RIMKLA: variants seen among roughly 807,000 people sequenced by gnomAD.
RIMKLA encodes ribosomal modification protein rimK like family member A.
In RIMKLA, 14 loss-of-function variants were observed where a neutral mutation model predicts 32.7. The observed-to-expected ratio is 0.43, with a 90% CI of 0.28 to 0.67. The LOEUF (loss-of-function observed/expected upper bound fraction) is 0.67. Among genes scored for constraint, RIMKLA ranks in the 30% least tolerant of loss-of-function variants. RIMKLA has a pLI of 0.18. For synonymous variants in RIMKLA, 176 were observed against 204.1 expected (o/e 0.86, Z 1.18); for missense variants, 410 against 519.0 (o/e 0.79, Z 2.04).
At position 42,414,961 on chromosome 1, in the gene RIMKLA, T is replaced by G; in HGVS notation, c.1163T>G (p.Leu388Ter). The G allele has an allele frequency of 5.6e-6, 9 of 1,606,266 alleles. No homozygotes were observed. Among genetic ancestry groups the G allele is most frequent in the Non-Finnish European group, 7.7e-6 (9 of 1,175,942 alleles). ...YNINNRIASELKLK is the reference protein window; with the variant it reads ...YNINNRIASE Reference sequence around the variant, plus strand: ...ATTAACAACAGGATTGCTTCTGAGTTAAAACTTAAGTGAATTCCTGCTTTT... The same window carrying G: ...ATTAACAACAGGATTGCTTCTGAGTGAAAACTTAAGTGAATTCCTGCTTTT... Residue 388 changes from leucine (L) to a stop codon, truncating the protein, a stop_gained, in exon 5 of 5, where the codon TTA becomes TGA. Coordinates refer to ENST00000431473, the MANE Select transcript of RIMKLA (RefSeq NM_173642.4). LOFTEE classifies it high-confidence loss of function.
At chr1:42,398,907 C>T (rs967886467) in intron 1 of RIMKLA, among the ~76,000 whole-genome samples, 1 of 143,632 alleles carries the variant, frequency 7.0e-6, no homozygotes, top group African/African-American at 2.6e-5. Context: ...GCAGAGGTCG[C>T]AGTGAGCCAA....
chr1:42,422,969 CAG>C lies in RIMKLA; in HGVS notation c.*7996_*7997del, dbSNP rs987001907. 5.9e-5 allele frequency among the ~76,000 whole-genome samples: 9 copies of C among 152,260 alleles called. No homozygotes were observed. Among genetic ancestry groups the C allele is most frequent in the African/African-American group, 1.4e-4 (6 of 41,534 alleles). On this transcript the variant is annotated 3_prime_UTR_variant, in exon 5 of 5. Coordinates refer to ENST00000431473, the MANE Select transcript of RIMKLA (RefSeq NM_173642.4). ...GGCTGTGTGGTGCAGTAAGGGGTCT[CAG>C]GGGATTGAAAGAATCTGTGTACTCA...
intron 1 of RIMKLA, among the ~76,000 whole-genome samples, chr1:42,383,174 C>T (rs957402803): frequency 6.6e-5 from 10 of 152,136 alleles, no homozygotes; most frequent in African/African-American, 2.4e-4. Context: ...GCGTGAGCCA[C>T]CGCGTCCGGC....
At position 42,415,965 on chromosome 1, in the gene RIMKLA, CCATTGGAAA is replaced by C. The variant is rs1326181676; in HGVS notation, c.*994_*1002del. Reference sequence around the variant, plus strand: ...TGGAGGTCTATTGAGTAGATGGGAGCCATTGGAAACACTCCAATCCCCTTGAAACTCTAC... The same window carrying C: ...TGGAGGTCTATTGAGTAGATGGGAGCCACTCCAATCCCCTTGAAACTCTAC... On this transcript the variant is annotated 3_prime_UTR_variant, in exon 5 of 5. Coordinates refer to ENST00000431473, the MANE Select transcript of RIMKLA (RefSeq NM_173642.4). The C allele has an allele frequency of 1.3e-5, 2 of 151,912 alleles. No individual in the cohort carries two copies. Among genetic ancestry groups the C allele is most frequent in the East Asian group, 3.9e-4 (2 of 5,180 alleles). The allele number at this position is 151,912 out of a possible 1,614,324, so 9.4% of individuals were successfully genotyped here. A position where few individuals can be genotyped will look rare whatever the true frequency, so the allele number is the denominator to read the frequency against.
chr1:42,421,492 T>A lies in RIMKLA; in HGVS notation c.*6518T>A, dbSNP rs1462698868. 6.6e-6 allele frequency: 1 copy of A among 152,242 alleles called. No individual in the cohort carries two copies. Among genetic ancestry groups the A allele is most frequent in the African/African-American group, 2.4e-5 (1 of 41,454 alleles). The allele number at this position is 152,242 out of a possible 1,614,324, so 9.4% of individuals were successfully genotyped here. On this transcript the variant is annotated 3_prime_UTR_variant, in exon 5 of 5. Coordinates refer to ENST00000431473, the MANE Select transcript of RIMKLA (RefSeq NM_173642.4). This position sits in a 1 kb window ranked among gnomAD's most constrained non-coding sequence, Gnocchi z 4.6. ...AGATGGAACTAACCAATAAAGCTGC[T>A]AAAATTCTGCTGTCCTGGGCCTATC...
intron 4 of RIMKLA, among the ~76,000 whole-genome samples, chr1:42,412,080 A>G (rs1281191363): frequency 6.6e-6 from 1 of 152,064 alleles, no homozygotes; most frequent in Non-Finnish European, 1.5e-5. Context: ...ACGTGGCTTT[A>G]TAATTTATCC....
In RIMKLA at chr1:42,387,665, G is replaced by A. The variant is rs115861481; in HGVS notation, c.163+6568G>A. Among the ~76,000 whole-genome samples, 537 of 152,176 alleles carry A rather than the reference G, an allele frequency of 3.5e-3. 1 individual carries two copies. The highest frequency in any genetic ancestry group is 0.012 in the African/African-American group (508 of 41,516). On this transcript the variant is annotated intron_variant, in intron 1 of 4. Coordinates refer to ENST00000431473, the MANE Select transcript of RIMKLA (RefSeq NM_173642.4). ...GAGTGGGAACAGAGGCAGGCTTCAC[G>A]CTCATTATTATGATTTTATTCATTT...
At chr1:42,413,355 G>T (rs886284657) in intron 4 of RIMKLA, among the ~76,000 whole-genome samples, 1 of 151,606 alleles carries the variant, frequency 6.6e-6, no homozygotes, top group African/African-American at 2.4e-5. Context: ...ACAACAATTA[G>T]CTGGGTGTAG....
intron 1 of RIMKLA, among the ~76,000 whole-genome samples, chr1:42,395,674 T>G (rs1220231873): frequency 3.3e-5 from 5 of 152,216 alleles, no homozygotes; most frequent in Admixed American, 6.5e-5. Context: ...TTAACGATCC[T>G]GGGAGAGGTG....
chr1:42,406,569 CTT>C (rs1254963503), intron 3 of RIMKLA, among the ~76,000 whole-genome samples: 1 of 152,328 alleles, frequency 6.6e-6, no homozygotes, highest in East Asian at 1.9e-4. Context: ...TAGTTTATCT[CTT>C]TTTGTGACTT....
Position 42,415,170 on chromosome 1 carries a change from T to TCA in RIMKLA, c.*197_*198dup, listed in dbSNP as rs3831262. ...TTTACAAAGACAAATATAAAAACAC[T>TCA]CAAGAACAACGTCCCGACTGATCAG... On this transcript the variant is annotated 3_prime_UTR_variant, in exon 5 of 5. Transcript: ENST00000431473. 351,847 of 596,336 alleles carry TCA rather than the reference T, an allele frequency of 0.59. 106,493 individuals carry two copies. Among genetic ancestry groups the TCA allele is most frequent in the Middle Eastern group, 0.63 (1,454 of 2,294 alleles). The allele number at this position is 596,336 out of a possible 1,614,324, so 36.9% of individuals were successfully genotyped here.
In RIMKLA at chr1:42,385,838, T is replaced by TCTCTCTCTCTC. The variant is rs1557749878; in HGVS notation, c.163+4741_163+4742insCTCTCTCTCTC. On this transcript the variant is annotated intron_variant, in intron 1 of 4. Coordinates refer to ENST00000431473, the MANE Select transcript of RIMKLA (RefSeq NM_173642.4). Reference sequence around the variant, plus strand: ...TTCCTTCCTTCCTTCCTTTCTTTCTTTCTTTCTCTTTCTTTCTTTCTTTCT... The same window carrying TCTCTCTCTCTC: ...TTCCTTCCTTCCTTCCTTTCTTTCTTCTCTCTCTCTCTCTTTCTCTTTCTTTCTTTCTTTCT... Among the ~76,000 whole-genome samples the TCTCTCTCTCTC allele has an allele frequency of 7.2e-4, 50 of 69,520 alleles. 4 individuals carry two copies. Among genetic ancestry groups the TCTCTCTCTCTC allele is most frequent in the African/African-American group, 2.1e-3 (48 of 22,544 alleles). 45.6% of individuals were successfully genotyped at this position (69,520 alleles called of 152,430 possible).
At chr1:42,412,509 A>G (rs1290241697) in intron 4 of RIMKLA, 1 of 428,286 alleles carries the variant, frequency 2.3e-6, no homozygotes, top group African/African-American at 2.1e-5. Flanking sequence ...AACCAAACTG[A>G]TGGAATGGGA....
At chr1:42,405,403 T>A (rs1338520847) in intron 3 of RIMKLA, among the ~76,000 whole-genome samples, 1 of 152,216 alleles carries the variant, frequency 6.6e-6, no homozygotes, top group Non-Finnish European at 1.5e-5. Flanking sequence ...TAAGGCTTAC[T>A]GTAGTGCTCA....
At chr1:42,395,677 G>T (rs1643037432) in intron 1 of RIMKLA, among the ~76,000 whole-genome samples, 1 of 152,180 alleles carries the variant, frequency 6.6e-6, no homozygotes, top group Admixed American at 6.5e-5. Flanking sequence ...ACGATCCTGG[G>T]AGAGGTGATA....
Position 42,415,569 on chromosome 1 carries a change from T to C in RIMKLA, c.*595T>C, listed in dbSNP as rs762362946. On this transcript the variant is annotated 3_prime_UTR_variant, in exon 5 of 5. Coordinates refer to ENST00000431473, the MANE Select transcript of RIMKLA (RefSeq NM_173642.4). ...ACTTTGTAGAAAGTGAGATTGAACG[T>C]TCTTTGACTTCACAGGTTGGCAAAT... The C allele has an allele frequency of 2.6e-5, 4 of 152,326 alleles. No homozygotes were observed. Among genetic ancestry groups the C allele is most frequent in the Non-Finnish European group, 5.9e-5 (4 of 68,120 alleles). The allele number at this position is 152,326 out of a possible 1,614,324, so 9.4% of individuals were successfully genotyped here.
rs1042563631 is a variant in RIMKLA at position 42,422,517 on chromosome 1, G to A, written c.*7543G>A. On this transcript the variant is annotated 3_prime_UTR_variant, in exon 5 of 5. Coordinates refer to ENST00000431473, the MANE Select transcript of RIMKLA (RefSeq NM_173642.4). ...CAGTGTTAACTTCTCCAACAGAGACGAAATCATTTATAAATGATTGTTTTG... is the reference window on the plus strand; with the variant it reads ...CAGTGTTAACTTCTCCAACAGAGACAAAATCATTTATAAATGATTGTTTTG... 4.6e-5 allele frequency: 7 copies of A among 152,316 alleles called. No homozygotes were observed. Among genetic ancestry groups the A allele is most frequent in the Admixed American group, 6.5e-5 (1 of 15,298 alleles). 9.4% of individuals were successfully genotyped at this position (152,316 alleles called of 1,614,324 possible).
At chr1:42,382,404 T>G (rs1208394060) in intron 1 of RIMKLA, among the ~76,000 whole-genome samples, 2 of 152,242 alleles carry the variant, frequency 1.3e-5, no homozygotes, top group African/African-American at 4.8e-5. Flanking sequence ...ATCTTGGCTT[T>G]GCTTTGGGCA....
intron 1 of RIMKLA, among the ~76,000 whole-genome samples, chr1:42,383,122 G>A (rs1642903842): frequency 6.6e-6 from 1 of 151,862 alleles, no homozygotes; most frequent in Non-Finnish European, 1.5e-5. Flanking sequence ...CTGACCTGAG[G>A]TGATCCATCC....
Sources: gnomAD v4.1 joint callset for allele counts (sites outside exome capture counted in the v4.1 genomes callset) on GRCh38, gnomAD v4.1.1 for gene constraint, Gnocchi (gnomAD v3.1) non-coding constraint, MANE v1.5 for transcripts, NCBI Gene and HGNC (gene_info 2026-07-23, HGNC 2026-07-21) for gene names.